Variants in RUNX2 observed in about 807,000 individuals in gnomAD.
RUNX2 encodes the protein RUNX family transcription factor 2.
Under a neutral mutation model 51.7 loss-of-function variants are expected in RUNX2, and 10 were observed. That is an observed-to-expected ratio of 0.19 (90% CI 0.12 to 0.33). The LOEUF (loss-of-function observed/expected upper bound fraction) is 0.33, where lower values mean the gene tolerates loss of function less well. Among genes scored for constraint, RUNX2 ranks in the 10% least tolerant of loss-of-function variants. The pLI is 1.00. For synonymous variants in RUNX2, 276 were observed against 273.6 expected (o/e 1.01, Z -0.09); for missense variants, 562 against 691.3 (o/e 0.81, Z 2.10).
chr6:45,385,772 T>C (rs913512944), intron 2 of RUNX2, among the ~76,000 whole-genome samples: 1 of 152,158 alleles, frequency 6.6e-6, no homozygotes, highest in Non-Finnish European at 1.5e-5. Context: ...TGGTTGTGCA[T>C]GCCTGTAATC....
rs1405823624 is a variant in RUNX2, at chr6:45,512,506, A to G, written c.1021+99A>G. 6 of 1,311,060 alleles carry G rather than the reference A, an allele frequency of 4.6e-6. No homozygotes were observed. In the East Asian group the frequency reaches 9.4e-5, roughly 21 times the overall value. The allele number at this position is 1,311,060 out of a possible 1,614,324, so 81.2% of individuals were successfully genotyped here. A position where few individuals can be genotyped will look rare whatever the true frequency, so the allele number is the denominator to read the frequency against. ...TCATCCATGCTCACAGTGACTCTCT[A>G]TTAGAGGCATGTGGGCAAGGGAATG... is the stretch of plus-strand genomic sequence containing the variant. On this transcript the variant is annotated intron_variant, in intron 7 of 8. Coordinates refer to ENST00000647337, the MANE Select transcript of RUNX2 (RefSeq NM_001024630.4).
intron 5 of RUNX2, among the ~76,000 whole-genome samples, chr6:45,464,149 C>G (rs569937643): frequency 6.6e-6 from 1 of 151,722 alleles, no homozygotes; most frequent in East Asian, 1.9e-4. Flanking sequence ...GCCGAGATCA[C>G]GCCCCTGCAT....
intron 2 of RUNX2, among the ~76,000 whole-genome samples, chr6:45,420,703 T>C (rs1798161554): frequency 6.6e-6 from 1 of 152,224 alleles, no homozygotes; most frequent in African/African-American, 2.4e-5. Flanking sequence ...AACGTAGTAG[T>C]ACACAACGCC....
At chr6:45,451,512 T>G (rs187597427) in intron 5 of RUNX2, among the ~76,000 whole-genome samples, 14 of 152,346 alleles carry the variant, frequency 9.2e-5, no homozygotes, top group African/African-American at 1.2e-4. Context: ...TGATGATGAT[T>G]AAAGGCTTGT....
intron 5 of RUNX2, among the ~76,000 whole-genome samples, chr6:45,470,628 T>C (rs1456481860): frequency 1.3e-5 from 2 of 152,180 alleles, no homozygotes; most frequent in African/African-American, 2.4e-5. Flanking sequence ...GAGTCCAAGA[T>C]TGTCTTTTGA....
Position 45,546,855 on chromosome 6 carries a change from C to T in RUNX2, c.1116C>T (p.Asp372=). Residue 372 remains aspartate (D), a synonymous_variant, in exon 9 of 9, where the codon GAC becomes GAT. Transcript: ENST00000647337. Reference sequence around the variant, plus strand: ...CTTCAGAACTGGGCCCTTTTTCAGACCCCAGGCAGTTCCCAAGCATTTCAT... The same window carrying T: ...CTTCAGAACTGGGCCCTTTTTCAGATCCCAGGCAGTTCCCAAGCATTTCAT... The part of the protein sequence containing the change: ...AGASELGPFS[D]PRQFPSISSL... 1.2e-6 allele frequency: 2 copies of T among 1,613,884 alleles called. No individual in the cohort carries two copies. Among genetic ancestry groups the T allele is most frequent in the Non-Finnish European group, 8.5e-7 (1 of 1,179,938 alleles).
chr6:45,499,644 G>A (rs184536323), intron 6 of RUNX2, among the ~76,000 whole-genome samples: 84 of 152,212 alleles, frequency 5.5e-4, no homozygotes, highest in African/African-American at 2.0e-3. Flanking sequence ...AAGTAGAGAG[G>A]GTGATGTTCC....
At position 45,419,148 on chromosome 6, in the gene RUNX2, T is replaced by C. The variant is rs1798123200; in HGVS notation, c.59-3445T>C. Among the ~76,000 whole-genome samples, 3 of 152,312 alleles carry C rather than the reference T, an allele frequency of 2.0e-5. No homozygotes were observed. The South Asian group carries it at 6.2e-4, about 32-fold the overall frequency. On this transcript the variant is annotated intron_variant, in intron 2 of 8. Coordinates refer to ENST00000647337, the MANE Select transcript of RUNX2 (RefSeq NM_001024630.4). ...TTTTTTATTTGGAAAGCCCCTCTGG[T>C]GGTCCATATTTGAAATATTAATTGT...
At chr6:45,517,636 A>T (rs1247137832) in intron 7 of RUNX2, among the ~76,000 whole-genome samples, 1 of 152,176 alleles carries the variant, frequency 6.6e-6, no homozygotes, top group African/African-American at 2.4e-5. Context: ...TGTAAATATT[A>T]ACACTTTTCA....
chr6:45,403,056 A>G (rs921764002), intron 2 of RUNX2, among the ~76,000 whole-genome samples: 1 of 152,176 alleles, frequency 6.6e-6, no homozygotes, highest in African/African-American at 2.4e-5. Context: ...TTTTCTTCTT[A>G]AGGTTATAAA....
At chr6:45,351,665 C>T (rs755047075) in intron 2 of RUNX2, among the ~76,000 whole-genome samples, 1 of 152,050 alleles carries the variant, frequency 6.6e-6, no homozygotes, top group African/African-American at 2.4e-5. Context: ...ATCCCTTCTC[C>T]CTCCCCATTT....
At chr6:45,442,378 A>AG in intron 5 of RUNX2, among the ~76,000 whole-genome samples, 1 of 152,302 alleles carries the variant, frequency 6.6e-6, no homozygotes, top group African/African-American at 2.4e-5. Context: ...AGCAGCAGCA[A>AG]TAGTAATGCA....
At chr6:45,359,379 A>G (rs1272486116) in intron 2 of RUNX2, among the ~76,000 whole-genome samples, 1 of 152,168 alleles carries the variant, frequency 6.6e-6, no homozygotes, top group African/African-American at 2.4e-5. Context: ...TTACATTACA[A>G]TTTGAAAATA....
intron 2 of RUNX2, among the ~76,000 whole-genome samples, chr6:45,394,424 C>A (rs1049735050): frequency 6.6e-6 from 1 of 152,178 alleles, no homozygotes; most frequent in African/African-American, 2.4e-5. Flanking sequence ...CTCCTTTTAG[C>A]CTCGCCTGTT....
intron 5 of RUNX2, among the ~76,000 whole-genome samples, chr6:45,473,075 T>G (rs1799852097): frequency 6.6e-6 from 1 of 152,230 alleles, no homozygotes. Context: ...GTGGTCTTCT[T>G]TGAAAGAACT....
intron 3 of RUNX2, among the ~76,000 whole-genome samples, chr6:45,428,560 A>T (rs2819859): frequency 1.3e-5 from 2 of 152,022 alleles, no homozygotes; most frequent in African/African-American, 4.8e-5. Context: ...TCTTGCTCTC[A>T]GCCTCATAGA....
At chr6:45,474,531 G>A (rs905435848) in intron 5 of RUNX2, among the ~76,000 whole-genome samples, 2 of 151,884 alleles carry the variant, frequency 1.3e-5, no homozygotes, top group African/African-American at 4.8e-5. Flanking sequence ...ACAAACCATC[G>A]ATGTTTGTTC....
intron 2 of RUNX2, among the ~76,000 whole-genome samples, chr6:45,348,508 A>C (rs1394667142): frequency 7.0e-6 from 1 of 142,500 alleles, no homozygotes; most frequent in African/African-American, 2.7e-5. Context: ...CTCTACTAAA[A>C]ATACAAAAAA....
At chr6:45,544,080 A>G (rs1802316336) in intron 7 of RUNX2, among the ~76,000 whole-genome samples, 1 of 151,968 alleles carries the variant, frequency 6.6e-6, no homozygotes, top group African/African-American at 2.4e-5. Flanking sequence ...TATTGTTTGT[A>G]AGTTGAAAAA....
Sources: allele counts gnomAD v4.1 joint callset (sites outside exome capture counted in the v4.1 genomes callset), GRCh38; gene constraint gnomAD v4.1.1; transcripts MANE v1.5; gene names NCBI Gene and HGNC (gene_info 2026-07-23, HGNC 2026-07-21).